PLEKHG4B: variants seen among roughly 807,000 people sequenced by gnomAD.
PLEKHG4B encodes the protein pleckstrin homology and RhoGEF domain containing G4B, also known as pleckstrin homology domain-containing family G member 4B.
A neutral mutation model predicts 121.3 loss-of-function variants in PLEKHG4B; 111 were observed. The observed-to-expected ratio is 0.92, with a 90% CI of 0.78 to 1.07. The LOEUF (loss-of-function observed/expected upper bound fraction) is 1.07. Ranked by LOEUF, PLEKHG4B falls within the 50% of genes least tolerant of loss-of-function variation. The probability of loss-of-function intolerance (pLI) is 0.00; values close to 1 mark genes in which losing one functional copy is unlikely to be tolerated. For missense variants in PLEKHG4B, 1,831 were observed against 1,757.8 expected (o/e 1.04, Z -0.74); for synonymous variants, 738 against 725.0 (o/e 1.02, Z -0.29).
rs747956504 is a variant in PLEKHG4B at position 172,881 on chromosome 5, G to A, written c.4051-16G>A. 7 of 1,613,924 alleles carry A rather than the reference G, an allele frequency of 4.3e-6. No homozygotes were observed. The highest frequency in any genetic ancestry group is 1.3e-5 in the African/African-American group (1 of 74,956). On this transcript the variant is annotated splice_polypyrimidine_tract_variant and intron_variant, in intron 16 of 19. Transcript: ENST00000637938. ...GGATTTTCTTGGATGAAATCCACCT[G>A]TGTGTTCCTCTGCAGGTGAATTTGA...
chr5:168,388 G>C (rs553765945), intron 13 of PLEKHG4B, among the ~76,000 whole-genome samples: 31 of 152,284 alleles, frequency 2.0e-4, no homozygotes, highest in African/African-American at 7.2e-4. Context: ...CAGCCCCCGA[G>C]TACCCCTGAA....
At position 139,446 on chromosome 5, in the gene PLEKHG4B, C is replaced by T. The variant is rs892476452; in HGVS notation, c.244-37C>T. 11 of 398,780 alleles carry T rather than the reference C, an allele frequency of 2.8e-5. No homozygotes were observed. The highest frequency in any genetic ancestry group is 6.2e-4 in the Middle Eastern group (1 of 1,612). 24.7% of individuals were successfully genotyped at this position (398,780 alleles called of 1,614,324 possible). A position where few individuals can be genotyped will look rare whatever the true frequency, so the allele number is the denominator to read the frequency against. ...GGCATGGAAGGGCTCAGGACATGGC[C>T]GTGCCCACCACTAACCTCCCTCCTC... is the stretch of plus-strand genomic sequence containing the variant. On this transcript the variant is annotated intron_variant, in intron 2 of 19. Coordinates refer to ENST00000637938, the MANE Select transcript of PLEKHG4B (RefSeq NM_052909.5). This position sits in a 1 kb window ranked among gnomAD's most constrained non-coding sequence, Gnocchi z 5.0.
At position 154,131 on chromosome 5, in the gene PLEKHG4B, G is replaced by A. The variant is rs534811387; in HGVS notation, c.1993-744G>A. 3.6e-4 allele frequency among the ~76,000 whole-genome samples: 55 copies of A among 152,136 alleles called. 1 individual carries two copies. Among genetic ancestry groups the A allele is most frequent in the African/African-American group, 1.2e-3 (49 of 41,486 alleles). The stretch of plus-strand genomic sequence containing the variant: ...AGCAATTCTCCTGCCTCAGCCTCCT[G>A]AGTAGCTGGGACCACAGGTGCACAC... On this transcript the variant is annotated intron_variant, in intron 7 of 19. Coordinates refer to ENST00000637938, the MANE Select transcript of PLEKHG4B (RefSeq NM_052909.5).
At chr5:135,425 G>A (rs1734928851) in intron 2 of PLEKHG4B, among the ~76,000 whole-genome samples, 1 of 150,512 alleles carries the variant, frequency 6.6e-6, no homozygotes, top group South Asian at 2.1e-4. Flanking sequence ...CCAGTACTTT[G>A]GGAGGCCGAG....
chr5:179,809 A>T (rs1000369576), intron 18 of PLEKHG4B: 7 of 152,372 alleles, frequency 4.6e-5, no homozygotes, highest in Admixed American at 2.6e-4. Flanking sequence ...TGTTTCGATC[A>T]CGTCTTCCCT....
rs757069180 is a variant in PLEKHG4B at position 171,194 on chromosome 5, C to G, written c.3820-20C>G. On this transcript the variant is annotated intron_variant, in intron 15 of 19. Coordinates refer to ENST00000637938, the MANE Select transcript of PLEKHG4B (RefSeq NM_052909.5). ...GCCCTCAGCCAGGCCGGAGCTGACC[C>G]TCTCACCCGGCCCTTGCAGGACAAG... The G allele has an allele frequency of 1.2e-6, 2 of 1,603,546 alleles. No individual in the cohort carries two copies. The highest frequency in any genetic ancestry group is 4.5e-5 in the East Asian group (2 of 44,628).
rs70955213 is a variant in PLEKHG4B at position 183,987 on chromosome 5, A to AGATCGATC, written c.*1671_*1672insCGATCGAT. 2,131 of 80,986 alleles carry AGATCGATC rather than the reference A, an allele frequency of 0.026. 53 individuals are homozygous for AGATCGATC. The highest frequency in any genetic ancestry group is 0.074 in the African/African-American group (1,891 of 25,698). 5.0% of individuals were successfully genotyped at this position (80,986 alleles called of 1,614,324 possible). The stretch of plus-strand genomic sequence containing the variant: ...TATACAGACAGATAGATAGATAGAT[A>AGATCGATC]GATCGATAGATAGATAGATAGATAG... On this transcript the variant is annotated 3_prime_UTR_variant, in exon 20 of 20. Transcript: ENST00000637938.
intron 18 of PLEKHG4B, among the ~76,000 whole-genome samples, chr5:177,670 A>G (rs957906822): frequency 9.2e-5 from 14 of 152,244 alleles, no homozygotes; most frequent in African/African-American, 3.4e-4. Context: ...AGAGCGGGAA[A>G]GAAATGAAAG....
intron 6 of PLEKHG4B, among the ~76,000 whole-genome samples, chr5:149,565 A>G (rs1161257450): frequency 6.6e-6 from 1 of 152,140 alleles, no homozygotes; most frequent in Non-Finnish European, 1.5e-5. Flanking sequence ...AGAAGACGCT[A>G]TCAACAGAGT....
In PLEKHG4B at chr5:137,313, A is replaced by G. The variant is rs1735011687; in HGVS notation, c.244-2170A>G. Among the ~76,000 whole-genome samples the G allele has an allele frequency of 6.6e-6, 1 of 152,164 alleles. No individual in the cohort carries two copies. Among genetic ancestry groups the G allele is most frequent in the Admixed American group, 6.5e-5 (1 of 15,278 alleles). On this transcript the variant is annotated intron_variant, in intron 2 of 19. Coordinates refer to ENST00000637938, the MANE Select transcript of PLEKHG4B (RefSeq NM_052909.5). This position sits in a 1 kb window ranked among gnomAD's most constrained non-coding sequence, Gnocchi z 4.2. ...TCACCGTTTCAGTTTGGGAAGATGG[A>G]AAGTTCTGGAGATGGTGGTGATGGT...
At position 163,568 on chromosome 5, in the gene PLEKHG4B, C is replaced by T. The variant is rs1364364908; in HGVS notation, c.3476+20C>T. On this transcript the variant is annotated intron_variant, in intron 13 of 19. Transcript: ENST00000637938. ...GGGCAGGTGAGGTGGACGTCCCCCTCCTCTCGTCCTAGCAGTCCTTGGGGA... is the reference window on the plus strand; with the variant it reads ...GGGCAGGTGAGGTGGACGTCCCCCTTCTCTCGTCCTAGCAGTCCTTGGGGA... 3 of 1,535,186 alleles carry T rather than the reference C, an allele frequency of 2.0e-6. No homozygotes were observed. Among genetic ancestry groups the T allele is most frequent in the Non-Finnish European group, 2.6e-6 (3 of 1,139,958 alleles).
intron 1 of PLEKHG4B, among the ~76,000 whole-genome samples, chr5:95,364 A>G (rs1374581489): frequency 4.6e-5 from 7 of 151,982 alleles, no homozygotes. Context: ...CAACTCTGGT[A>G]CGCCTCACCT....
At position 140,678 on chromosome 5, in the gene PLEKHG4B, G is replaced by A. The variant is rs758132332; in HGVS notation, c.1439G>A (p.Cys480Tyr). The A allele has an allele frequency of 6.9e-6, 11 of 1,599,992 alleles. 1 individual carries two copies. In the South Asian group the frequency reaches 1.2e-4, roughly 18 times the overall value. Residue 480 changes from cysteine to tyrosine, a missense_variant, in exon 3 of 20, where the codon TGT (cysteine) becomes TAT (tyrosine). Cys to Tyr is a radical substitution (Grantham distance 194, BLOSUM62 -2). Coordinates refer to ENST00000637938, the MANE Select transcript of PLEKHG4B (RefSeq NM_052909.5). Reference sequence around the variant, plus strand: ...GGACAAGCTGTGGGGACCCCAAACTGTGTCCCAGTAGAGGGTCCCGGCTGC... The same window carrying A: ...GGACAAGCTGTGGGGACCCCAAACTATGTCCCAGTAGAGGGTCCCGGCTGC... ...LGGQAVGTPN[C>Y]VPVEGPGCTK...
intron 2 of PLEKHG4B, among the ~76,000 whole-genome samples, chr5:131,490 C>T (rs1169019045): frequency 2.0e-5 from 3 of 152,102 alleles, no homozygotes; most frequent in Non-Finnish European, 4.4e-5. Flanking sequence ...ATATGTGCCA[C>T]ATTTTCTTAA....
intron 13 of PLEKHG4B, among the ~76,000 whole-genome samples, chr5:164,760 T>C (rs1295595248): frequency 2.6e-5 from 3 of 115,702 alleles, no homozygotes; most frequent in Admixed American, 8.4e-5. Context: ...ACAGTAATCC[T>C]CTGACGGGGC....
rs773033693 is a variant in PLEKHG4B at position 173,889 on chromosome 5, G to A, written c.4222-29G>A. ...TTGTTCAGAGACCATGTTCCTGATG[G>A]TGCTGCAATGGGTGTTTGCTGACTG... is the stretch of plus-strand genomic sequence containing the variant. On this transcript the variant is annotated intron_variant, in intron 17 of 19. Transcript: ENST00000637938. 8 of 1,606,778 alleles carry A rather than the reference G, an allele frequency of 5.0e-6. No homozygotes were observed. In the African/African-American group the frequency reaches 1.1e-4, roughly 21 times the overall value.
In PLEKHG4B at chr5:92,216, G is replaced by A; in HGVS notation, c.-16G>A. On this transcript the variant is annotated 5_prime_UTR_variant, in exon 1 of 20. Transcript: ENST00000637938. ...GTTCGGGGAAAGCGTCGGAGTTCGG[G>A]AGACCAGGGTCCAGCATGGGTTTCA... is the stretch of plus-strand genomic sequence containing the variant. 2.7e-6 allele frequency: 1 copy of A among 371,038 alleles called. No individual in the cohort carries two copies. The highest frequency in any genetic ancestry group is 4.8e-6 in the Non-Finnish European group (1 of 210,296). 23.0% of individuals were successfully genotyped at this position (371,038 alleles called of 1,614,324 possible). A position where few individuals can be genotyped will look rare whatever the true frequency, so the allele number is the denominator to read the frequency against.
Position 156,345 on chromosome 5 carries a change from C to A in PLEKHG4B, c.2348+135C>A, listed in dbSNP as rs918774571. On this transcript the variant is annotated intron_variant, in intron 10 of 19. Coordinates refer to ENST00000637938, the MANE Select transcript of PLEKHG4B (RefSeq NM_052909.5). The surrounding 1 kb of genome is among the most constrained non-coding windows in gnomAD (Gnocchi z 4.4). ...TTGGTCCAGACCTCCATTCTGACAG[C>A]CACGCTTTGCCTGGGTCAGAGCTTT... The A allele has an allele frequency of 2.0e-6, 2 of 997,906 alleles. No homozygotes were observed. The highest frequency in any genetic ancestry group is 3.7e-5 in the Admixed American group (1 of 27,360). 61.8% of individuals were successfully genotyped at this position (997,906 alleles called of 1,614,324 possible). A position where few individuals can be genotyped will look rare whatever the true frequency, so the allele number is the denominator to read the frequency against.
At chr5:138,153 C>T (rs976490612) in intron 2 of PLEKHG4B, among the ~76,000 whole-genome samples, 8 of 152,250 alleles carry the variant, frequency 5.3e-5, no homozygotes, top group African/African-American at 1.4e-4. Flanking sequence ...ACCCGCCCCC[C>T]ACCGGCAGCT....
Sources: allele counts gnomAD v4.1 joint callset (sites outside exome capture counted in the v4.1 genomes callset), GRCh38; gene constraint gnomAD v4.1.1; non-coding constraint Gnocchi (gnomAD v3.1); transcripts MANE v1.5; gene names NCBI Gene and HGNC (gene_info 2026-07-23, HGNC 2026-07-21).